Variants in COG4 observed in about 807,000 individuals in gnomAD.
COG4 encodes the protein conserved oligomeric Golgi complex subunit 4.
COG4 carries 65 observed loss-of-function variants against 95.1 expected under a neutral mutation model. The ratio of observed to expected loss-of-function variants is 0.68; its 90% CI spans 0.56 to 0.84. The LOEUF (loss-of-function observed/expected upper bound fraction) is 0.84. Ranked by LOEUF, COG4 falls within the 40% of genes least tolerant of loss-of-function variation. The probability of loss-of-function intolerance (pLI) is 0.00; values close to 1 mark genes in which losing one functional copy is unlikely to be tolerated. For synonymous variants in COG4, 421 were observed against 374.8 expected (o/e 1.12, Z -1.42); for missense variants, 1,045 against 989.1 (o/e 1.06, Z -0.76).
chr16:70,508,374 C>T (rs2151757528), intron 8 of COG4, 32 bp downstream of exon 8: 1 of 1,582,150 alleles, frequency 6.3e-7, no homozygotes, highest in Non-Finnish European at 8.7e-7. Flanking sequence ...ATTCAAACTC[C>T]TGTGGGCTGA....
intron 13 of COG4, among the ~76,000 whole-genome samples, chr16:70,489,529 T>TAA (rs58900941): frequency 7.0e-6 from 1 of 142,436 alleles, no homozygotes; most frequent in African/African-American, 2.6e-5. Flanking sequence ...GATCCTGATT[T>TAA]AAAAAAAAAA....
chr16:70,501,335 T>G, intron 8 of COG4: 1 of 535,344 alleles, frequency 1.9e-6, no homozygotes, highest in Non-Finnish European at 3.4e-6. Context: ...AAATAAAAGG[T>G]TGGGAGATGT....
intron 13 of COG4, among the ~76,000 whole-genome samples, chr16:70,484,390 A>G (rs2049085093): frequency 6.6e-6 from 1 of 152,344 alleles, no homozygotes; most frequent in South Asian, 2.1e-4. Flanking sequence ...TGCCTGGCAC[A>G]GGAGACACTA....
chr16:70,504,781 G>A (rs2049526135), intron 8 of COG4, among the ~76,000 whole-genome samples: 1 of 151,364 alleles, frequency 6.6e-6, no homozygotes, highest in Admixed American at 6.6e-5. Flanking sequence ...ACACTGGTGG[G>A]GCGCCTGTAA....
At position 70,481,049 on chromosome 16, in the gene COG4, T is replaced by G; in HGVS notation, c.2331A>C (p.Ile777=). The change falls in exon 19 of 19, where the codon ATA becomes ATC. Residue 777 remains isoleucine (I), a synonymous_variant. Coordinates refer to ENST00000323786, the MANE Select transcript of COG4 (RefSeq NM_015386.3). ...AEVRQVLALR[I]DFRSEDIKRL... is the part of the protein sequence containing the mutation. ...TCTTGATATCTTCACTGCGGAAGTC[T>G]ATCCGCAGGGCCAGCACCTGGCGCA... 1 of 1,613,200 alleles carries G rather than the reference T, an allele frequency of 6.2e-7. No individual in the cohort carries two copies. The highest frequency in any genetic ancestry group is 8.5e-7 in the Non-Finnish European group (1 of 1,180,002).
intron 8 of COG4, among the ~76,000 whole-genome samples, chr16:70,507,236 C>G (rs1275408272): frequency 6.6e-6 from 1 of 151,750 alleles, no homozygotes; most frequent in Non-Finnish European, 1.5e-5. Context: ...AAATAAGACC[C>G]TATCTCAAAA....
rs537000791 is a variant in COG4, at chr16:70,482,222, A to G, written c.1921-47T>C. 43 of 1,164,268 alleles carry G rather than the reference A, an allele frequency of 3.7e-5. 2 individuals are homozygous for G. In the South Asian group the frequency reaches 5.2e-4, roughly 14 times the overall value. The allele number at this position is 1,164,268 out of a possible 1,614,324, so 72.1% of individuals were successfully genotyped here. ...GGTCACCATGGGCCTCATAAGAAGT[A>G]CCATTCATTGCCACCCACCTCTATC... On this transcript the variant is annotated intron_variant, in intron 15 of 18. Coordinates refer to ENST00000323786, the MANE Select transcript of COG4 (RefSeq NM_015386.3).
intron 9 of COG4, among the ~76,000 whole-genome samples, chr16:70,500,120 C>T (rs1567381835): frequency 6.6e-6 from 1 of 151,880 alleles, no homozygotes. Context: ...GCGTGAGCCA[C>T]CATACCCAGT....
intron 12 of COG4, among the ~76,000 whole-genome samples, chr16:70,494,224 T>C (rs1294812472): frequency 2.0e-5 from 3 of 152,212 alleles, no homozygotes; most frequent in Non-Finnish European, 4.4e-5. Flanking sequence ...TTCCAAGGCA[T>C]TTAAGAGCAC....
At chr16:70,481,544 C>T in intron 17 of COG4, 57 bp from the exon 18 acceptor site, 1 of 1,608,420 alleles carries the variant, frequency 6.2e-7, no homozygotes, top group Non-Finnish European at 8.5e-7. Context: ...GAACTGGCCT[C>T]CAGTTGCCCC....
At position 70,511,009 on chromosome 16, in the gene COG4, C is replaced by A. The variant is rs560299366; in HGVS notation, c.739-988G>T. On this transcript the variant is annotated intron_variant, in intron 5 of 18. Transcript: ENST00000323786. ...TGAACCTCTGATCTGAGGTGATCCA[C>A]CCGCCTCAGCCTCCCAAAGTGCTGG... 1.2e-4 allele frequency among the ~76,000 whole-genome samples: 19 copies of A among 152,324 alleles called. No homozygotes were observed. In the East Asian group the frequency reaches 3.5e-3, roughly 28 times the overall value.
intron 12 of COG4, among the ~76,000 whole-genome samples, chr16:70,495,391 C>T (rs1391102357): frequency 2.2e-4 from 29 of 129,294 alleles, no homozygotes; most frequent in African/African-American, 9.0e-4. Flanking sequence ...GAGCAAGACT[C>T]CATCTCAAAA....
intron 12 of COG4, among the ~76,000 whole-genome samples, chr16:70,493,659 C>T (rs781688619): frequency 8.5e-4 from 130 of 152,262 alleles, no homozygotes; most frequent in Admixed American, 1.7e-3. Context: ...AGGGAAGTGG[C>T]AGGAGGTAGA....
intron 2 of COG4, among the ~76,000 whole-genome samples, chr16:70,518,747 C>T (rs865941539): frequency 7.9e-5 from 12 of 151,904 alleles, no homozygotes; most frequent in African/African-American, 2.7e-4. Flanking sequence ...GGAGGCCAGG[C>T]GGGCGGATCA....
intron 1 of COG4, among the ~76,000 whole-genome samples, chr16:70,520,219 A>T (rs543061532): frequency 7.2e-5 from 11 of 152,226 alleles, no homozygotes; most frequent in Admixed American, 5.9e-4. Flanking sequence ...GCGGATCACG[A>T]GGTCAGGAGA....
rs1428038659 is a variant in COG4 at position 70,509,284 on chromosome 16, GTC to G, written c.947_948del (p.Arg316ThrfsTer46). ...LIKYLQVECD[R>X]QVEKVVDKFI... is the part of the protein sequence containing the mutation. ...AACTTGTCTACCACCTTCTCCACCT[GTC>G]TGTCACATTCCACCTGCAGATATTT... On this transcript the variant is annotated frameshift_variant, in exon 7 of 19. Transcript: ENST00000323786. LOFTEE classifies it high-confidence loss of function. 6 of 1,614,104 alleles carry G rather than the reference GTC, an allele frequency of 3.7e-6. No homozygotes were observed. Among genetic ancestry groups the G allele is most frequent in the Non-Finnish European group, 5.1e-6 (6 of 1,180,028 alleles).
chr16:70,498,501 T>C lies in COG4; in HGVS notation c.1196-446A>G, dbSNP rs189560480. ...GCACCACCACGCCCGGCAAATTTTG[T>C]ATTTTTAGTAGAGACAGGGTTTCTC... On this transcript the variant is annotated intron_variant, in intron 9 of 18. Coordinates refer to ENST00000323786, the MANE Select transcript of COG4 (RefSeq NM_015386.3). Among the ~76,000 whole-genome samples the C allele has an allele frequency of 6.2e-4, 95 of 152,220 alleles. 1 individual carries two copies. Among genetic ancestry groups the C allele is most frequent in the Non-Finnish European group, 4.4e-4 (30 of 68,012 alleles).
intron 13 of COG4, among the ~76,000 whole-genome samples, chr16:70,487,746 C>T (rs2049168003): frequency 6.6e-6 from 1 of 151,918 alleles, no homozygotes; most frequent in Non-Finnish European, 1.5e-5. Context: ...CCCTCATTTT[C>T]CAATAGTTCA....
chr16:70,485,357 C>T (rs2049106149), intron 13 of COG4, among the ~76,000 whole-genome samples: 1 of 151,694 alleles, frequency 6.6e-6, no homozygotes, highest in South Asian at 2.1e-4. Context: ...GCGCCTGCCA[C>T]CACACCCAAC....
Sources: allele counts gnomAD v4.1 joint callset (sites outside exome capture counted in the v4.1 genomes callset), GRCh38; gene constraint gnomAD v4.1.1; transcripts MANE v1.5; gene names NCBI Gene and HGNC (gene_info 2026-07-23, HGNC 2026-07-21).